NCAM2: variants seen among roughly 807,000 people sequenced by gnomAD.
NCAM2 encodes the protein N-CAM-2.
In NCAM2, 30 loss-of-function variants were observed where a neutral mutation model predicts 98.1. The observed-to-expected ratio is 0.31, with a 90% CI of 0.23 to 0.41. The LOEUF is 0.41. Ranked by LOEUF, NCAM2 falls within the 10% of genes least tolerant of loss-of-function variation. NCAM2 has a pLI of 1.00. For synonymous variants in NCAM2, 368 were observed against 342.4 expected (o/e 1.07, Z -0.83); for missense variants, 867 against 1,005.8 (o/e 0.86, Z 1.87).
intron 8 of NCAM2, among the ~76,000 whole-genome samples, chr21:21,371,324 A>G (rs184321004): frequency 6.6e-6 from 1 of 151,968 alleles, no homozygotes; most frequent in East Asian, 1.9e-4. Context: ...TTTAGCAGTT[A>G]TGCATTGTCT....
intron 3 of NCAM2, among the ~76,000 whole-genome samples, 191 bp downstream of exon 3, chr21:21,284,591 T>TC (rs917667789): frequency 4.1e-4 from 62 of 151,918 alleles, no homozygotes; most frequent in Admixed American, 2.2e-3. Context: ...TAAACATATA[T>TC]AGGGCATCAA....
At chr21:21,329,255 T>C (rs189041981) in intron 6 of NCAM2, among the ~76,000 whole-genome samples, 1 of 152,286 alleles carries the variant, frequency 6.6e-6, no homozygotes, top group East Asian at 1.9e-4. Flanking sequence ...CAAAAAACAC[T>C]TTTATACCAT....
intron 1 of NCAM2, among the ~76,000 whole-genome samples, chr21:21,237,259 T>C (rs1482042847): frequency 6.6e-6 from 1 of 152,146 alleles, no homozygotes. Context: ...AATCAGCTCA[T>C]ATTGTCACTG....
chr21:21,193,431 A>G (rs2068891705), intron 1 of NCAM2, among the ~76,000 whole-genome samples: 1 of 152,056 alleles, frequency 6.6e-6, no homozygotes, highest in South Asian at 2.1e-4. Flanking sequence ...AGGGAAAACA[A>G]AAGTGAAAAA....
chr21:21,105,512 A>G (rs1036441542), intron 1 of NCAM2, among the ~76,000 whole-genome samples: 3 of 152,120 alleles, frequency 2.0e-5, no homozygotes, highest in Non-Finnish European at 2.9e-5. Context: ...GGTATCCTTC[A>G]TATACATGAT....
Position 21,284,280 on chromosome 21 carries a change from G to A in NCAM2, c.217G>A (p.Gly73Ser), listed in dbSNP as rs267606084. 6.2e-7 allele frequency: 1 copy of A among 1,611,902 alleles called. No individual in the cohort carries two copies. Among genetic ancestry groups the A allele is most frequent in the Non-Finnish European group, 8.5e-7 (1 of 1,178,266 alleles). ...STQRVVVQKEGVRSRLTIYNA... is the reference protein window; with the variant it reads ...STQRVVVQKESVRSRLTIYNA... ...ACAGAGGGTAGTAGTGCAAAAGGAA[G>A]GTGTTAGGTCACGGTTAACCATCTA... The change falls in exon 3 of 18, where the codon GGT becomes AGT. Residue 73 changes from glycine (G) to serine (S), a missense_variant. Coordinates refer to ENST00000400546, the MANE Select transcript of NCAM2 (RefSeq NM_004540.5).
At chr21:21,267,580 GA>G (rs76790937) in intron 1 of NCAM2, among the ~76,000 whole-genome samples, 2,820 of 151,798 alleles carry the variant, frequency 0.019, 87 homozygotes, top group East Asian at 0.14. Context: ...TCATTTGGAA[GA>G]AAAAAAATTG....
chr21:21,322,006 C>T (rs576785498), intron 5 of NCAM2, among the ~76,000 whole-genome samples: 9 of 152,250 alleles, frequency 5.9e-5, no homozygotes, highest in Middle Eastern at 3.4e-3. Context: ...CACATGCACT[C>T]GTACGATTAT....
intron 12 of NCAM2, among the ~76,000 whole-genome samples, chr21:21,459,341 A>T (rs1982617448): frequency 6.6e-6 from 1 of 151,694 alleles, no homozygotes; most frequent in Non-Finnish European, 1.5e-5. Flanking sequence ...TCTTTGTAGC[A>T]TTATTCACAA....
chr21:21,270,692 G>A (rs746132273), intron 1 of NCAM2, among the ~76,000 whole-genome samples: 3 of 152,088 alleles, frequency 2.0e-5, no homozygotes, highest in Admixed American at 6.6e-5. Flanking sequence ...ATTCAAAGTA[G>A]CGTAAGCCTC....
intron 11 of NCAM2, among the ~76,000 whole-genome samples, chr21:21,421,989 G>A (rs966024): frequency 0.096 from 14,629 of 151,786 alleles, 855 homozygotes; most frequent in African/African-American, 0.16. Flanking sequence ...GCCCTACATC[G>A]GAATGAGGTA....
At chr21:21,325,369 T>C (rs1224484344) in intron 6 of NCAM2, among the ~76,000 whole-genome samples, 1 of 152,188 alleles carries the variant, frequency 6.6e-6, no homozygotes, top group Non-Finnish European at 1.5e-5. Context: ...CCAAACTAAC[T>C]TTTATTCTTT....
intron 1 of NCAM2, among the ~76,000 whole-genome samples, chr21:21,009,094 A>G (rs1372475626): frequency 6.6e-6 from 1 of 152,136 alleles, no homozygotes; most frequent in African/African-American, 2.4e-5. Flanking sequence ...GAGAATAGAG[A>G]GTTTTCTGTA....
intron 1 of NCAM2, among the ~76,000 whole-genome samples, chr21:21,196,531 A>G (rs551034918): frequency 3.2e-4 from 48 of 152,298 alleles, no homozygotes; most frequent in African/African-American, 1.1e-3. Flanking sequence ...CCAAATTGTG[A>G]CATAAGATGT....
intron 5 of NCAM2, among the ~76,000 whole-genome samples, chr21:21,298,127 T>G (rs1481073467): frequency 6.6e-6 from 1 of 151,744 alleles, no homozygotes; most frequent in Non-Finnish European, 1.5e-5. Context: ...TTGCAATTTC[T>G]TGAAGTCATG....
At chr21:21,311,791 A>T (rs1601941182) in intron 5 of NCAM2, among the ~76,000 whole-genome samples, 3 of 139,572 alleles carry the variant, frequency 2.1e-5, no homozygotes, top group South Asian at 2.4e-4. Flanking sequence ...TTTAAAAAAA[A>T]TTTTGGTTTC....
intron 5 of NCAM2, among the ~76,000 whole-genome samples, chr21:21,315,492 G>A (rs1441184440): frequency 2.0e-5 from 3 of 152,158 alleles, no homozygotes; most frequent in Non-Finnish European, 2.9e-5. Context: ...GATTAATGAG[G>A]AGGATAAAAG....
At chr21:21,416,875 T>G (rs913906266) in intron 10 of NCAM2, among the ~76,000 whole-genome samples, 2 of 152,044 alleles carry the variant, frequency 1.3e-5, no homozygotes, top group African/African-American at 4.8e-5. Context: ...GGCCAGATTA[T>G]ATCTAGAGCA....
At chr21:21,240,199 C>T (rs1441819522) in intron 1 of NCAM2, among the ~76,000 whole-genome samples, 1 of 152,074 alleles carries the variant, frequency 6.6e-6, no homozygotes, top group African/African-American at 2.4e-5. Flanking sequence ...ATGTCAAATG[C>T]CCAACAGATT....
Sources: allele counts gnomAD v4.1 joint callset (sites outside exome capture counted in the v4.1 genomes callset), GRCh38; gene constraint gnomAD v4.1.1; transcripts MANE v1.5; gene names NCBI Gene and HGNC (gene_info 2026-07-23, HGNC 2026-07-21).